C10orf143: variants seen among roughly 807,000 people sequenced by gnomAD.
C10orf143 encodes chromosome 10 open reading frame 143.
intron 3 of C10orf143, among the ~76,000 whole-genome samples, chr10:130,038,767 C>T (rs1860573226): frequency 6.6e-6 from 1 of 152,128 alleles, no homozygotes; most frequent in Non-Finnish European, 1.5e-5. Flanking sequence ...ATCTGCTGGC[C>T]CTGCCTACAG....
intron 1 of C10orf143, among the ~76,000 whole-genome samples, chr10:130,102,724 C>A (rs1564970746): frequency 6.6e-6 from 1 of 152,098 alleles, no homozygotes; most frequent in African/African-American, 2.4e-5. Flanking sequence ...TATTTTGAAG[C>A]TCTGTTGTTA....
At chr10:130,039,741 G>A (rs1440128857) in intron 3 of C10orf143, among the ~76,000 whole-genome samples, 1 of 152,170 alleles carries the variant, frequency 6.6e-6, no homozygotes, top group African/African-American at 2.4e-5. Flanking sequence ...CAGGTGGGGA[G>A]GCTGACCTCT....
At chr10:130,086,878 G>A (rs569602502) in intron 1 of C10orf143, among the ~76,000 whole-genome samples, 1 of 152,302 alleles carries the variant, frequency 6.6e-6, no homozygotes, top group South Asian at 2.1e-4. Flanking sequence ...TTTCTGTGTG[G>A]TTGAATGGCC....
At chr10:130,108,102 G>C in intron 1 of C10orf143, 1 of 1,524,694 alleles carries the variant, frequency 6.6e-7, no homozygotes, top group Non-Finnish European at 9.1e-7. Context: ...GCAGCAACTG[G>C]CCCTCGCTTT....
At chr10:130,106,050 T>C in intron 1 of C10orf143, 1 of 556,396 alleles carries the variant, frequency 1.8e-6, no homozygotes, top group Non-Finnish European at 3.5e-6. Context: ...GGCGCTATGT[T>C]GGAGCCAGGG....
intron 3 of C10orf143, among the ~76,000 whole-genome samples, chr10:130,071,593 C>T (rs927209528): frequency 1.3e-5 from 2 of 152,110 alleles, no homozygotes; most frequent in African/African-American, 4.8e-5. Flanking sequence ...TGAAAGAATT[C>T]TGATATGTAG....
rs576988698 is a variant in C10orf143, at chr10:130,083,584, T to C, written c.70-3683A>G. Among the ~76,000 whole-genome samples, 4 of 152,322 alleles carry C rather than the reference T, an allele frequency of 2.6e-5. No homozygotes were observed. In the East Asian group the frequency reaches 7.7e-4, roughly 29 times the overall value. ...GAGAAAAGGAAGAGGAAGATTTCCA[T>C]GAACTGGTCTAGAGTGATTTCCAGA... On this transcript the variant is annotated intron_variant, in intron 1 of 3. Coordinates refer to ENST00000637128, the MANE Select transcript of C10orf143 (RefSeq NM_001355042.2).
At chr10:130,085,422 C>A (rs1050837477) in intron 1 of C10orf143, among the ~76,000 whole-genome samples, 3 of 152,116 alleles carry the variant, frequency 2.0e-5, no homozygotes, top group African/African-American at 4.8e-5. Context: ...AAATGCGCAC[C>A]CTGACTCTAA....
At chr10:130,077,342 T>A (rs1347784782) in intron 3 of C10orf143, among the ~76,000 whole-genome samples, 5 of 152,158 alleles carry the variant, frequency 3.3e-5, no homozygotes, top group Non-Finnish European at 5.9e-5. Flanking sequence ...TACTGAGAAT[T>A]CAGAGCAGAA....
intron 3 of C10orf143, chr10:130,066,441 G>A (rs11017072): frequency 0.07 from 10,467 of 149,786 alleles, 594 homozygotes; most frequent in East Asian, 0.23. Context: ...CGATCCACTC[G>A]CCTTAGCCTC....
At chr10:130,110,266 C>T (rs549013121) in intron 1 of C10orf143, among the ~76,000 whole-genome samples, 50 of 152,348 alleles carry the variant, frequency 3.3e-4, no homozygotes, top group Middle Eastern at 6.8e-3. Context: ...TCGCTCCCCA[C>T]GTACTCGTCC....
intron 1 of C10orf143, among the ~76,000 whole-genome samples, chr10:130,082,730 G>A (rs1304256260): frequency 6.6e-6 from 1 of 152,130 alleles, no homozygotes; most frequent in Non-Finnish European, 1.5e-5. Context: ...TTTATCAGCA[G>A]CGTGAAAACA....
chr10:130,035,680 G>A (rs749820609), intron 4 of C10orf143, among the ~76,000 whole-genome samples: 2 of 152,188 alleles, frequency 1.3e-5, no homozygotes, highest in African/African-American at 2.4e-5. Context: ...TTTTGCAGAC[G>A]TGAGAATGAC....
At position 130,106,070 on chromosome 10, in the gene C10orf143, C is replaced by G. The variant is rs543243997; in HGVS notation, c.69+4634G>C. The G allele has an allele frequency of 6.8e-6, 4 of 587,714 alleles. No homozygotes were observed. The East Asian group carries it at 1.8e-4, about 26-fold the overall frequency. 36.4% of individuals were successfully genotyped at this position (587,714 alleles called of 1,614,324 possible). A position where few individuals can be genotyped will look rare whatever the true frequency, so the allele number is the denominator to read the frequency against. On this transcript the variant is annotated intron_variant, in intron 1 of 3. Transcript: ENST00000637128. ...TATGTTGGAGCCAGGGGCTACCCCT[C>G]AGCGGTACTTGGGGCTGGTCCTGGG...
At chr10:130,061,086 G>A (rs528381429), downstream of C10orf143, among the ~76,000 whole-genome samples, 5 of 152,144 alleles carry the variant, frequency 3.3e-5, no homozygotes, top group African/African-American at 9.7e-5. Context: ...GCAGTGAGCC[G>A]TGCTTGCACC....
At chr10:130,082,444 T>C (rs1316984075) in intron 1 of C10orf143, among the ~76,000 whole-genome samples, 1 of 152,172 alleles carries the variant, frequency 6.6e-6, no homozygotes, top group Non-Finnish European at 1.5e-5. Context: ...GTAGCTCCTA[T>C]AATTCCCACA....
chr10:130,046,204 C>T (rs1860670166), intron 3 of C10orf143, among the ~76,000 whole-genome samples: 1 of 134,686 alleles, frequency 7.4e-6, no homozygotes, highest in South Asian at 2.6e-4. Context: ...CGGGGCGTGG[C>T]GCGGAGTGGG....
chr10:130,044,955 G>C (rs1403167914), intron 3 of C10orf143, among the ~76,000 whole-genome samples: 1 of 152,184 alleles, frequency 6.6e-6, no homozygotes, highest in Non-Finnish European at 1.5e-5. Context: ...CTAGGCTGGA[G>C]CTCAGGTCTA....
In C10orf143 at chr10:130,064,096, C is replaced by T. The variant is rs1860889255; in HGVS notation, c.*258G>A. On this transcript the variant is annotated 3_prime_UTR_variant, in exon 4 of 4. Coordinates refer to ENST00000637128, the MANE Select transcript of C10orf143 (RefSeq NM_001355042.2). ...AATTGATCTCCCTCTCAACCAGGAA[C>T]ATTCGAAAGGAGGCTGTAGTACGTA... The T allele has an allele frequency of 1.7e-5, 6 of 349,534 alleles. No homozygotes were observed. The highest frequency in any genetic ancestry group is 4.7e-5 in the Admixed American group (1 of 21,138). The allele number at this position is 349,534 out of a possible 1,614,324, so 21.7% of individuals were successfully genotyped here.
Sources: allele counts gnomAD v4.1 joint callset (sites outside exome capture counted in the v4.1 genomes callset), GRCh38; gene constraint gnomAD v4.1.1; transcripts MANE v1.5; gene names NCBI Gene and HGNC (gene_info 2026-07-23, HGNC 2026-07-21).